The following STX8 variants were observed in gnomAD, a reference collection of about 807,000 sequenced individuals.
The protein encoded by STX8 is syntaxin-8.
Under a neutral mutation model 37.5 loss-of-function variants are expected in STX8, and 23 were observed. That is an observed-to-expected ratio of 0.61 (90% CI 0.44 to 0.87). The LOEUF is 0.87. STX8 is among the 40% of genes least tolerant of loss of function. The probability of loss-of-function intolerance (pLI) is 0.00; values close to 1 mark genes in which losing one functional copy is unlikely to be tolerated. For synonymous variants in STX8, 115 were observed against 99.1 expected, an observed-to-expected ratio of 1.16 and a Z score of -0.95; for missense variants, 313 against 284.7, an observed-to-expected ratio of 1.10 and a Z score of -0.71.
At chr17:9,478,757 A>C (rs933055723) in intron 6 of STX8, among the ~76,000 whole-genome samples, 14 of 152,080 alleles carry the variant, frequency 9.2e-5, no homozygotes, top group Non-Finnish European at 2.1e-4. Flanking sequence ...CAGAAATATA[A>C]AGCCTTTTGA....
intron 7 of STX8, among the ~76,000 whole-genome samples, chr17:9,287,636 C>T (rs1908126060): frequency 6.6e-6 from 1 of 152,164 alleles, no homozygotes; most frequent in African/African-American, 2.4e-5. Context: ...TGCAGATAGT[C>T]CTGTTTGGGA....
intron 4 of STX8, among the ~76,000 whole-genome samples, chr17:9,518,760 C>T (rs376606231): frequency 5.2e-4 from 78 of 151,430 alleles, no homozygotes; most frequent in African/African-American, 1.6e-3. Context: ...CCCAGCTACT[C>T]GGGAGGCTGA....
Position 9,516,298 on chromosome 17 carries a change from C to CATATATATATAT in STX8, c.324-11148_324-11137dup, listed in dbSNP as rs150682084. Reference sequence around the variant, plus strand: ...AAAAATGACACATTAGAACCACAGTCATATATATATATATATATATATATA... The same window carrying CATATATATATAT: ...AAAAATGACACATTAGAACCACAGTCATATATATATATATATATATATATATATATATATATA... On this transcript the variant is annotated intron_variant, in intron 4 of 7. Transcript: ENST00000306357. Among the ~76,000 whole-genome samples, 207 of 51,688 alleles carry CATATATATATAT rather than the reference C, an allele frequency of 4.0e-3. 4 individuals are homozygous for CATATATATATAT. The highest frequency in any genetic ancestry group is 4.7e-3 in the South Asian group (6 of 1,272). The allele number at this position is 51,688 out of a possible 152,430, so 33.9% of individuals were successfully genotyped here. A position where few individuals can be genotyped will look rare whatever the true frequency, so the allele number is the denominator to read the frequency against.
At chr17:9,458,382 T>A (rs2125353) in intron 6 of STX8, among the ~76,000 whole-genome samples, 1 of 152,046 alleles carries the variant, frequency 6.6e-6, no homozygotes, top group Non-Finnish European at 1.5e-5. Flanking sequence ...ATCTCCTGAC[T>A]TCGTGATCCG....
rs114020633 is a variant in STX8 at position 9,387,584 on chromosome 17, C to T, written c.542-8931G>A. 5.1e-3 allele frequency among the ~76,000 whole-genome samples: 783 copies of T among 152,266 alleles called. 3 individuals are homozygous for T. Among genetic ancestry groups the T allele is most frequent in the African/African-American group, 0.018 (750 of 41,554 alleles). ...CTGGGATTACAGGCGTGAGCCACCA[C>T]GCCTGGCCAAAAAGTGGGCATTTTT... On this transcript the variant is annotated intron_variant, in intron 6 of 7. Coordinates refer to ENST00000306357, the MANE Select transcript of STX8 (RefSeq NM_004853.3).
At chr17:9,278,406 G>A (rs7211809) in intron 7 of STX8, among the ~76,000 whole-genome samples, 21,437 of 151,434 alleles carry the variant, frequency 0.14, 1,806 homozygotes, top group Non-Finnish European at 0.19. Context: ...CTGAGATCAC[G>A]CCATTTCACT....
At chr17:9,544,791 G>A (rs772168222) in intron 4 of STX8, among the ~76,000 whole-genome samples, 2 of 152,142 alleles carry the variant, frequency 1.3e-5, no homozygotes, top group South Asian at 4.1e-4. Flanking sequence ...AGGAGATCGA[G>A]ACCATCCTGA....
chr17:9,488,224 G>T (rs1906688059), intron 6 of STX8, among the ~76,000 whole-genome samples: 1 of 152,056 alleles, frequency 6.6e-6, no homozygotes. Flanking sequence ...TACTTGGGAG[G>T]CTGAATCAGG....
At chr17:9,327,184 G>A (rs1318510574) in intron 7 of STX8, among the ~76,000 whole-genome samples, 2 of 149,614 alleles carry the variant, frequency 1.3e-5, no homozygotes, top group African/African-American at 5.0e-5. Context: ...GAAGAAGAAG[G>A]AAGAAGAAGG....
intron 7 of STX8, among the ~76,000 whole-genome samples, chr17:9,323,443 C>T (rs546152831): frequency 7.7e-4 from 117 of 152,178 alleles, no homozygotes; most frequent in African/African-American, 2.5e-3. Context: ...ATTTTATAAA[C>T]CACAAATATT....
At chr17:9,430,058 T>A (rs180908539) in intron 6 of STX8, among the ~76,000 whole-genome samples, 1 of 37,600 alleles carries the variant, frequency 2.7e-5, no homozygotes, top group East Asian at 4.3e-4. Context: ...ATATTCTATA[T>A]AATATATATA....
At chr17:9,293,646 G>A (rs1908400929) in intron 7 of STX8, among the ~76,000 whole-genome samples, 1 of 152,054 alleles carries the variant, frequency 6.6e-6, no homozygotes, top group Non-Finnish European at 1.5e-5. Context: ...CATTAATTTT[G>A]AAGTGAATAC....
intron 1 of STX8, among the ~76,000 whole-genome samples, chr17:9,572,551 A>C (rs964486364): frequency 6.6e-6 from 1 of 152,154 alleles, no homozygotes; most frequent in Non-Finnish European, 1.5e-5. Context: ...CTGGGATTAC[A>C]GGTACACACC....
chr17:9,406,966 T>C (rs908804296), intron 6 of STX8, among the ~76,000 whole-genome samples: 5 of 152,174 alleles, frequency 3.3e-5, no homozygotes, highest in Non-Finnish European at 4.4e-5. Context: ...AGAGAGCTGC[T>C]TCTCCTAAGC....
At chr17:9,511,850 CA>C (rs923590685) in intron 4 of STX8, among the ~76,000 whole-genome samples, 1 of 150,300 alleles carries the variant, frequency 6.7e-6, no homozygotes, top group Non-Finnish European at 1.5e-5. Flanking sequence ...TAAAGACTAC[CA>C]AAAAAAAACC....
At chr17:9,526,066 G>A (rs1905556696) in intron 4 of STX8, among the ~76,000 whole-genome samples, 1 of 152,192 alleles carries the variant, frequency 6.6e-6, no homozygotes, top group African/African-American at 2.4e-5. Context: ...TACGAACAGG[G>A]TAATACTGTC....
chr17:9,399,317 A>G (rs572613403), intron 6 of STX8, among the ~76,000 whole-genome samples: 1 of 152,280 alleles, frequency 6.6e-6, no homozygotes, highest in Admixed American at 6.5e-5. Context: ...TCCTATGAGC[A>G]AGGTACTGTT....
At chr17:9,272,021 C>A (rs1907484487) in intron 7 of STX8, among the ~76,000 whole-genome samples, 1 of 152,150 alleles carries the variant, frequency 6.6e-6, no homozygotes, top group Non-Finnish European at 1.5e-5. Flanking sequence ...TGATGATGCA[C>A]CCCGAGAAGT....
chr17:9,296,859 A>G (rs1908571938), intron 7 of STX8, among the ~76,000 whole-genome samples: 1 of 152,190 alleles, frequency 6.6e-6, no homozygotes, highest in Non-Finnish European at 1.5e-5. Flanking sequence ...GCCTCTGCTA[A>G]TACTAGTTGG....
Sources: gnomAD v4.1 joint callset for allele counts (sites outside exome capture counted in the v4.1 genomes callset) on GRCh38, gnomAD v4.1.1 for gene constraint, MANE v1.5 for transcripts, NCBI Gene and HGNC (gene_info 2026-07-23, HGNC 2026-07-21) for gene names.